Variants in ZNF503 observed in about 807,000 individuals in gnomAD.
ZNF503 encodes zinc finger protein 503.
In ZNF503, 15 loss-of-function variants were observed where a neutral mutation model predicts 34.4. That is an observed-to-expected ratio of 0.44 (90% CI 0.29 to 0.67). The LOEUF (loss-of-function observed/expected upper bound fraction) is 0.67. Ranked by LOEUF, ZNF503 falls within the 30% of genes least tolerant of loss-of-function variation. ZNF503 has a pLI of 0.13. For missense variants in ZNF503, 1,007 were observed against 926.8 expected (o/e 1.09, Z -1.12); for synonymous variants, 580 against 456.8 (o/e 1.27, Z -3.44).
chr10:75,388,348 A>G, the ZNF503 span, among the ~76,000 whole-genome samples: 2 of 152,210 alleles, frequency 1.3e-5, no homozygotes, highest in African/African-American at 4.8e-5. Context: ...TCAAGCCACT[A>G]ACATAACATC....
the ZNF503 span, among the ~76,000 whole-genome samples, chr10:75,335,507 A>G: frequency 4.6e-5 from 7 of 152,318 alleles, no homozygotes; most frequent in South Asian, 1.5e-3. Flanking sequence ...AGGATCTAGA[A>G]ATCAGTAGTT....
chr10:75,395,588 G>T (rs970290504), downstream of ZNF503, among the ~76,000 whole-genome samples: 2 of 152,072 alleles, frequency 1.3e-5, no homozygotes, highest in Non-Finnish European at 2.9e-5. The surrounding 1 kb of genome is among the most constrained non-coding windows in gnomAD (Gnocchi z 4.4). Context: ...GAGTCGGGGG[G>T]CGCGCCTTGG....
chr10:75,301,429 T>G, the ZNF503 span, among the ~76,000 whole-genome samples: 1 of 152,044 alleles, frequency 6.6e-6, no homozygotes, highest in South Asian at 2.1e-4. Context: ...TTAGTAGAGA[T>G]GGGGTTTCAC....
chr10:75,397,146 ACGG>A (rs1843709557), downstream of ZNF503, among the ~76,000 whole-genome samples: 1 of 149,386 alleles, frequency 6.7e-6, no homozygotes, highest in Admixed American at 6.6e-5. Context: ...AGCCACCCGG[ACGG>A]GGAAAAGCAG....
At chr10:75,361,417 A>G in the ZNF503 span, 3 of 152,214 alleles carry the variant, frequency 2.0e-5, no homozygotes, top group African/African-American at 7.2e-5. Context: ...CTGAGAATGG[A>G]TATCATTGTT....
At chr10:75,321,332 G>A in the ZNF503 span, among the ~76,000 whole-genome samples, 1 of 152,138 alleles carries the variant, frequency 6.6e-6, no homozygotes, top group Non-Finnish European at 1.5e-5. Context: ...AGCAATGTGA[G>A]AATGGACTAA....
chr10:75,289,515 G>A, the ZNF503 span, among the ~76,000 whole-genome samples: 8,475 of 152,232 alleles, frequency 0.056, 356 homozygotes, highest in East Asian at 0.21. Context: ...TTCTGGAAAC[G>A]TCTTCATTCA....
At chr10:75,311,321 T>C in the ZNF503 span, among the ~76,000 whole-genome samples, 2 of 152,174 alleles carry the variant, frequency 1.3e-5, no homozygotes, top group African/African-American at 4.8e-5. Flanking sequence ...TGGGTCTGCC[T>C]TTCCCACTCC....
chr10:75,334,324 T>C, the ZNF503 span, among the ~76,000 whole-genome samples: 44,861 of 152,232 alleles, frequency 0.29, 7,279 homozygotes, highest in South Asian at 0.41. Flanking sequence ...TTGGAATTAA[T>C]TTTCTTTAAT....
chr10:75,317,579 C>T, the ZNF503 span, among the ~76,000 whole-genome samples: 7 of 152,126 alleles, frequency 4.6e-5, no homozygotes, highest in East Asian at 1.4e-3. Context: ...GCCACTGCTC[C>T]CGGCCCCCAT....
At chr10:75,328,472 G>T in the ZNF503 span, among the ~76,000 whole-genome samples, 14 of 152,042 alleles carry the variant, frequency 9.2e-5, no homozygotes, top group African/African-American at 3.4e-4. Flanking sequence ...CTGCTGTTAT[G>T]CCAGTACCAT....
At chr10:75,375,727 G>C in the ZNF503 span, among the ~76,000 whole-genome samples, 2 of 152,172 alleles carry the variant, frequency 1.3e-5, no homozygotes, top group Admixed American at 1.3e-4. Context: ...ATTTTGGCCA[G>C]GCTGGTCTTG....
the ZNF503 span, among the ~76,000 whole-genome samples, chr10:75,321,276 T>C: frequency 6.6e-6 from 1 of 152,206 alleles, no homozygotes; most frequent in African/African-American, 2.4e-5. Flanking sequence ...CATGAATCAG[T>C]TAAACCTTTT....
chr10:75,288,933 G>A, the ZNF503 span, among the ~76,000 whole-genome samples: 5 of 152,322 alleles, frequency 3.3e-5, no homozygotes, highest in East Asian at 9.6e-4. Context: ...GTTGAGGGGG[G>A]CTGATCTGGC....
the ZNF503 span, among the ~76,000 whole-genome samples, chr10:75,299,601 G>T: frequency 5.9e-5 from 9 of 151,992 alleles, no homozygotes; most frequent in Non-Finnish European, 1.2e-4. Context: ...GCCAGATATC[G>T]GGCAAAATTC....
chr10:75,346,441 C>CT, the ZNF503 span, among the ~76,000 whole-genome samples: 81 of 141,854 alleles, frequency 5.7e-4, no homozygotes, highest in South Asian at 1.1e-3. Flanking sequence ...TTTTTCTTTT[C>CT]TTTTTTTTTT....
the ZNF503 span, among the ~76,000 whole-genome samples, chr10:75,340,147 T>C: frequency 3.9e-4 from 2 of 5,156 alleles, no homozygotes; most frequent in Admixed American, 5.2e-3. Context: ...GGGGGCCTGG[T>C]GGTGGGGGCC....
chr10:75,357,905 G>T, the ZNF503 span, among the ~76,000 whole-genome samples: 1 of 152,316 alleles, frequency 6.6e-6, no homozygotes, highest in Non-Finnish European at 1.5e-5. Context: ...GACTCATTCT[G>T]CAGCCTGAGT....
chr10:75,317,264 C>CT, the ZNF503 span, among the ~76,000 whole-genome samples: 743 of 74,736 alleles, frequency 9.9e-3, 85 homozygotes, highest in East Asian at 0.064. Context: ...CATCCCACGT[C>CT]TTTTTTTTTT....
Sources: gnomAD v4.1 joint callset for allele counts (sites outside exome capture counted in the v4.1 genomes callset) on GRCh38, gnomAD v4.1.1 for gene constraint, Gnocchi (gnomAD v3.1) non-coding constraint, MANE v1.5 for transcripts, NCBI Gene and HGNC (gene_info 2026-07-23, HGNC 2026-07-21) for gene names.